Variants in PGBD2 observed in about 807,000 individuals in gnomAD.
PGBD2 encodes the protein piggyBac transposable element-derived protein 2.
In PGBD2, 6 loss-of-function variants were observed where a neutral mutation model predicts 8.1. That is an observed-to-expected ratio of 0.74 (90% CI 0.40 to 1.46). The LOEUF is 1.46. PGBD2 is among the 40% of genes most tolerant of loss of function. The pLI is 0.02. For synonymous variants in PGBD2, 318 were observed against 272.2 expected (o/e 1.17, Z -1.66); for missense variants, 802 against 739.0 (o/e 1.09, Z -0.99).
At chr1:248,901,800 C>T (rs1257335216), upstream of PGBD2, among the ~76,000 whole-genome samples, 2 of 152,026 alleles carry the variant, frequency 1.3e-5, no homozygotes, top group Non-Finnish European at 2.9e-5. Context: ...AAAAAAACCA[C>T]AAACCATCAT....
At chr1:248,875,152 T>C in the PGBD2 span, among the ~76,000 whole-genome samples, 25,169 of 151,376 alleles carry the variant, frequency 0.17, 2,680 homozygotes, top group East Asian at 0.36. Context: ...AAAAATTAGC[T>C]GAGCGTGGTG....
upstream of PGBD2, among the ~76,000 whole-genome samples, chr1:248,901,732 T>G (rs192475183): frequency 3.9e-4 from 59 of 152,146 alleles, no homozygotes; most frequent in African/African-American, 1.3e-3. Flanking sequence ...AAGTGAAAAC[T>G]GACAAATGGG....
At chr1:248,922,384 C>T (rs185272550), downstream of PGBD2, among the ~76,000 whole-genome samples, 10 of 152,284 alleles carry the variant, frequency 6.6e-5, no homozygotes, top group East Asian at 1.9e-3. Context: ...TCTAAATATA[C>T]AATCATGTCA....
chr1:248,923,450 A>C (rs573803771), downstream of PGBD2, among the ~76,000 whole-genome samples: 1 of 151,850 alleles, frequency 6.6e-6, no homozygotes, highest in Non-Finnish European at 1.5e-5. Context: ...TCATGTCTCT[A>C]TCACCTTGAG....
At chr1:248,909,080 A>G (rs1361495752) in intron 1 of PGBD2, among the ~76,000 whole-genome samples, 1 of 152,228 alleles carries the variant, frequency 6.6e-6, no homozygotes, top group South Asian at 2.1e-4. Flanking sequence ...AAAAAGTGAT[A>G]GTGTGGCTGC....
the PGBD2 span, among the ~76,000 whole-genome samples, chr1:248,882,719 G>A: frequency 6.6e-6 from 1 of 152,208 alleles, no homozygotes; most frequent in African/African-American, 2.4e-5. Context: ...TCCTGGGATA[G>A]GAATCTTAGT....
At chr1:248,910,804 C>G (rs921120118) in intron 1 of PGBD2, among the ~76,000 whole-genome samples, 4 of 151,960 alleles carry the variant, frequency 2.6e-5, no homozygotes, top group Non-Finnish European at 5.9e-5. Context: ...AGGTGATGAG[C>G]TTTTCTCACA....
the PGBD2 span, among the ~76,000 whole-genome samples, chr1:248,875,325 A>AAG: frequency 6.9e-6 from 1 of 145,418 alleles, no homozygotes; most frequent in African/African-American, 2.8e-5. Context: ...AAAAAAAAAA[A>AAG]AAAGAAAAGA....
upstream of PGBD2, among the ~76,000 whole-genome samples, chr1:248,905,077 C>T (rs1324127199): frequency 2.0e-5 from 3 of 152,196 alleles, no homozygotes; most frequent in Non-Finnish European, 4.4e-5. Context: ...CCTAGAGTAG[C>T]ACTCCCATTT....
intron 2 of PGBD2, 143 bp from the exon 3 acceptor site, chr1:248,916,459 T>G (rs1227805334): frequency 1.5e-6 from 1 of 668,710 alleles, no homozygotes; most frequent in Non-Finnish European, 2.5e-6. Context: ...AAAATTTACT[T>G]ACTAAATGCG....
At chr1:248,906,229 G>A (rs1211922590), upstream of PGBD2, 1 of 152,026 alleles carries the variant, frequency 6.6e-6, no homozygotes, top group African/African-American at 2.4e-5. Context: ...CGAGCCCTCT[G>A]GTGCCGGACG....
Position 248,917,588 on chromosome 1 carries a change from T to C in PGBD2, c.1004T>C (p.Val335Ala). ...DLGGSMVIKF[V>A]DALQERGFLP... ...GGAGGCAGTATGGTAATAAAATTTG[T>C]GGATGCGCTTCAGGAGCGTGGTTTT... The change falls in exon 3 of 3, where the codon GTG becomes GCG. Residue 335 changes from valine to alanine, a missense_variant. Val to Ala is a moderately conservative substitution (Grantham distance 64). Coordinates refer to ENST00000329291, the MANE Select transcript of PGBD2 (RefSeq NM_170725.3). 6.2e-7 allele frequency: 1 copy of C among 1,614,188 alleles called. No individual in the cohort carries two copies. The highest frequency in any genetic ancestry group is 8.5e-7 in the Non-Finnish European group (1 of 1,180,032).
the PGBD2 span, among the ~76,000 whole-genome samples, chr1:248,879,699 C>G: frequency 6.6e-6 from 1 of 152,142 alleles, no homozygotes; most frequent in Non-Finnish European, 1.5e-5. Context: ...TGTGCCCTGC[C>G]TAAGTTATCT....
At chr1:248,911,802 A>G (rs1419863555) in intron 1 of PGBD2, among the ~76,000 whole-genome samples, 1 of 147,508 alleles carries the variant, frequency 6.8e-6, no homozygotes, top group Non-Finnish European at 1.5e-5. Flanking sequence ...CTCCCCCAGC[A>G]AATTTTAAAG....
chr1:248,929,642 C>A, the PGBD2 span, among the ~76,000 whole-genome samples: 9 of 152,320 alleles, frequency 5.9e-5, no homozygotes, highest in Non-Finnish European at 8.8e-5. Flanking sequence ...CACACGCCTG[C>A]TTGCTGCTGT....
the PGBD2 span, among the ~76,000 whole-genome samples, chr1:248,899,791 T>C: frequency 6.7e-6 from 1 of 149,014 alleles, no homozygotes; most frequent in African/African-American, 2.5e-5. Flanking sequence ...GAGCTGTTTT[T>C]TTTGGGAAAA....
In PGBD2 at chr1:248,907,538, A is replaced by G. The variant is rs985908848; in HGVS notation, c.-48+1196A>G. Among the ~76,000 whole-genome samples, 6 of 144,684 alleles carry G rather than the reference A, an allele frequency of 4.1e-5. No individual in the cohort carries two copies. The East Asian group carries it at 7.7e-4, about 19-fold the overall frequency. 94.9% of individuals were successfully genotyped at this position (144,684 alleles called of 152,430 possible). On this transcript the variant is annotated intron_variant, in intron 1 of 2. Coordinates refer to ENST00000329291, the MANE Select transcript of PGBD2 (RefSeq NM_170725.3). ...TTCCCACGAGGCTGTATTTCAGACTATCACATGGGGAGAAACCTTGGACAA... is the reference window on the plus strand; with the variant it reads ...TTCCCACGAGGCTGTATTTCAGACTGTCACATGGGGAGAAACCTTGGACAA...
the PGBD2 span, among the ~76,000 whole-genome samples, chr1:248,893,056 A>G: frequency 6.6e-6 from 1 of 152,204 alleles, no homozygotes; most frequent in African/African-American, 2.4e-5. Context: ...ACCTTTGGTC[A>G]TTTATTTTTC....
chr1:248,909,013 T>C (rs947521044), intron 1 of PGBD2, among the ~76,000 whole-genome samples: 3 of 152,210 alleles, frequency 2.0e-5, no homozygotes, highest in Non-Finnish European at 2.9e-5. Context: ...ATAGTTACAA[T>C]TTTATGCATA....
Sources: gnomAD v4.1 joint callset for allele counts (sites outside exome capture counted in the v4.1 genomes callset) on GRCh38, gnomAD v4.1.1 for gene constraint, MANE v1.5 for transcripts, NCBI Gene and HGNC (gene_info 2026-07-23, HGNC 2026-07-21) for gene names.